DRC8: variants seen among roughly 807,000 people sequenced by gnomAD.
The protein encoded by DRC8 is dynein regulatory complex subunit 8, also known as dynein regulatory complex protein 8.
chr1:245,115,509 C>T, the DRC8 span, among the ~76,000 whole-genome samples: 1 of 152,236 alleles, frequency 6.6e-6, no homozygotes, highest in Admixed American at 6.5e-5. Context: ...TTAATAGTTT[C>T]TCAACTTACC....
At chr1:244,979,995 G>A in the DRC8 span, among the ~76,000 whole-genome samples, 2 of 133,842 alleles carry the variant, frequency 1.5e-5, no homozygotes, top group Non-Finnish European at 3.1e-5. Context: ...ACGAGGTCAG[G>A]AGATCAAGAC....
At chr1:245,112,759 T>C in the DRC8 span, among the ~76,000 whole-genome samples, 1 of 151,070 alleles carries the variant, frequency 6.6e-6, no homozygotes, top group African/African-American at 2.4e-5. Flanking sequence ...ATGTTACCTT[T>C]TTTTTTTTTT....
the DRC8 span, among the ~76,000 whole-genome samples, chr1:245,058,636 A>G: frequency 1.3e-5 from 2 of 152,252 alleles, no homozygotes; most frequent in East Asian, 3.8e-4. Flanking sequence ...TTTGAATGGA[A>G]GTATTTCGTA....
the DRC8 span, among the ~76,000 whole-genome samples, chr1:245,011,295 T>G: frequency 6.6e-6 from 1 of 152,162 alleles, no homozygotes; most frequent in Non-Finnish European, 1.5e-5. Flanking sequence ...TGACCCTAAA[T>G]TGATAGGAAT....
chr1:245,009,184 C>T, the DRC8 span, among the ~76,000 whole-genome samples: 1 of 151,444 alleles, frequency 6.6e-6, no homozygotes, highest in African/African-American at 2.4e-5. Context: ...TACAGGCTCG[C>T]ACCACCACGC....
the DRC8 span, among the ~76,000 whole-genome samples, chr1:245,035,186 CTT>C: frequency 1.1e-3 from 137 of 130,162 alleles, no homozygotes; most frequent in East Asian, 1.7e-3. Context: ...TCCTGGTTGC[CTT>C]TTTTTTTTTT....
the DRC8 span, among the ~76,000 whole-genome samples, chr1:245,097,726 G>C: frequency 6.6e-6 from 1 of 152,114 alleles, no homozygotes; most frequent in Non-Finnish European, 1.5e-5. The surrounding 1 kb of genome is among the most constrained non-coding windows in gnomAD (Gnocchi z 5.0). Flanking sequence ...GTCCTATCTA[G>C]AATGACATGG....
chr1:244,974,553 T>C, the DRC8 span, among the ~76,000 whole-genome samples: 2 of 152,236 alleles, frequency 1.3e-5, no homozygotes, highest in East Asian at 1.9e-4. Context: ...TCCTTCATTG[T>C]GCCACTCTTT....
At chr1:244,985,435 A>G in the DRC8 span, among the ~76,000 whole-genome samples, 3 of 152,226 alleles carry the variant, frequency 2.0e-5, no homozygotes, top group Non-Finnish European at 4.4e-5. Context: ...AGAACTTCAC[A>G]TGCCGTAAGA....
chr1:245,063,151 G>A, the DRC8 span, among the ~76,000 whole-genome samples: 5 of 151,968 alleles, frequency 3.3e-5, no homozygotes, highest in East Asian at 1.9e-4. Flanking sequence ...TCCCACTTCC[G>A]TCAGCTTGGT....
the DRC8 span, among the ~76,000 whole-genome samples, chr1:244,985,925 G>A: frequency 2.0e-5 from 3 of 151,398 alleles, no homozygotes; most frequent in Admixed American, 2.0e-4. Flanking sequence ...TTCCACAAAA[G>A]GGACATCTGA....
the DRC8 span, among the ~76,000 whole-genome samples, chr1:245,118,514 G>A: frequency 6.6e-6 from 1 of 152,158 alleles, no homozygotes; most frequent in Admixed American, 6.6e-5. Flanking sequence ...ACAGTAAGCC[G>A]GGCGCAGTGG....
chr1:245,026,281 A>G, the DRC8 span, among the ~76,000 whole-genome samples: 3 of 152,328 alleles, frequency 2.0e-5, no homozygotes, highest in Non-Finnish European at 2.9e-5. Flanking sequence ...TGAGTGTACT[A>G]GGTCCTGTCT....
the DRC8 span, among the ~76,000 whole-genome samples, chr1:245,105,235 T>A: frequency 7.2e-5 from 11 of 152,182 alleles, no homozygotes; most frequent in Non-Finnish European, 1.6e-4. Context: ...TTGTCACTCC[T>A]CATACTCAGT....
chr1:245,100,198 A>T, the DRC8 span, among the ~76,000 whole-genome samples: 2 of 152,134 alleles, frequency 1.3e-5, no homozygotes, highest in East Asian at 3.9e-4. Flanking sequence ...CAGCCTGACC[A>T]ATATGGTGAA....
the DRC8 span, among the ~76,000 whole-genome samples, chr1:244,999,001 C>T: frequency 7.2e-6 from 1 of 139,166 alleles, no homozygotes; most frequent in Non-Finnish European, 1.5e-5. Flanking sequence ...CACTTTTCTG[C>T]CAATATTATA....
chr1:245,121,901 T>G, the DRC8 span: 1 of 421,010 alleles, frequency 2.4e-6, no homozygotes, highest in Non-Finnish European at 4.6e-6. Context: ...TTTTCTTATT[T>G]TATTTTATTT....
At chr1:245,020,613 CTTTTTTTTTTTT>C in the DRC8 span, among the ~76,000 whole-genome samples, 1 of 59,712 alleles carries the variant, frequency 1.7e-5, no homozygotes, top group Non-Finnish European at 3.0e-5. Flanking sequence ...GTTTTTCTTT[CTTTTTTTTTTTT>C]TTTTTTTTTT....
At chr1:244,989,390 G>A in the DRC8 span, among the ~76,000 whole-genome samples, 2 of 152,108 alleles carry the variant, frequency 1.3e-5, no homozygotes, top group Admixed American at 6.6e-5. Context: ...CGTTTCTCAG[G>A]TTTTCCTTGT....
Sources: allele counts gnomAD v4.1 joint callset (sites outside exome capture counted in the v4.1 genomes callset), GRCh38; gene constraint gnomAD v4.1.1; non-coding constraint Gnocchi (gnomAD v3.1); transcripts MANE v1.5; gene names NCBI Gene and HGNC (gene_info 2026-07-23, HGNC 2026-07-21).